GREB1L: variants seen among roughly 807,000 people sequenced by gnomAD.
GREB1L encodes the protein GREB1 like retinoic acid receptor coactivator.
Under a neutral mutation model 200.8 loss-of-function variants are expected in GREB1L, and 17 were observed. That is an observed-to-expected ratio of 0.08 (90% CI 0.06 to 0.13). The LOEUF is 0.13. Among genes scored for constraint, GREB1L ranks in the 10% least tolerant of loss-of-function variants. The pLI is 1.00. For synonymous variants in GREB1L, 789 were observed against 893.0 expected (o/e 0.88, Z 2.08); for missense variants, 1,657 against 2,367.7 (o/e 0.70, Z 6.23).
At chr18:21,370,018 C>T (rs2039816893) in intron 2 of GREB1L, among the ~76,000 whole-genome samples, 1 of 149,974 alleles carries the variant, frequency 6.7e-6, no homozygotes, top group Non-Finnish European at 1.5e-5. Context: ...ATGTACAAAA[C>T]TATTAAAGGA....
intron 1 of GREB1L, among the ~76,000 whole-genome samples, chr18:21,256,803 C>T (rs1174944981): frequency 1.3e-5 from 2 of 151,900 alleles, no homozygotes; most frequent in African/African-American, 2.4e-5. Context: ...GTCAGGAGAT[C>T]GAGACTAGCC....
chr18:21,370,936 C>T (rs776623219), intron 2 of GREB1L, among the ~76,000 whole-genome samples: 57 of 152,054 alleles, frequency 3.7e-4, no homozygotes, highest in Middle Eastern at 6.8e-3. Flanking sequence ...AGAAAATAGA[C>T]GGGCAGGTGG....
At chr18:21,290,192 C>T (rs1021816020) in intron 1 of GREB1L, among the ~76,000 whole-genome samples, 11 of 152,216 alleles carry the variant, frequency 7.2e-5, no homozygotes, top group African/African-American at 1.9e-4. Context: ...AACTACCGAA[C>T]GGATCATTTT....
rs531754225 is a variant in GREB1L at position 21,411,937 on chromosome 18, C to T, written c.832+7943C>T. 7.3e-5 allele frequency among the ~76,000 whole-genome samples: 11 copies of T among 151,234 alleles called. No homozygotes were observed. The East Asian group carries it at 2.2e-3, about 30-fold the overall frequency. On this transcript the variant is annotated intron_variant, in intron 7 of 32. Coordinates refer to ENST00000424526, the MANE Select transcript of GREB1L (RefSeq NM_001142966.3). ...GTGGGCGCCTATAGTCCCAGCTACT[C>T]GGGAGGCTGAGGCAGGAGAATGGCG... is the stretch of plus-strand genomic sequence containing the variant.
intron 1 of GREB1L, among the ~76,000 whole-genome samples, chr18:21,346,617 A>G (rs983052646): frequency 4.6e-5 from 7 of 151,992 alleles, no homozygotes; most frequent in Non-Finnish European, 7.3e-5. Context: ...TGTTCTTTCC[A>G]CAGCCCTTTC....
At chr18:21,425,671 G>T (rs2144953946) in intron 7 of GREB1L, among the ~76,000 whole-genome samples, 1 of 152,150 alleles carries the variant, frequency 6.6e-6, no homozygotes, top group Middle Eastern at 3.4e-3. Context: ...TGTGCTTATT[G>T]GCCATTTGTA....
intron 32 of GREB1L, 35 bp downstream of exon 32, chr18:21,520,858 A>C (rs964049977): frequency 6.6e-7 from 1 of 1,504,004 alleles, no homozygotes; most frequent in East Asian, 2.5e-5. Context: ...TGTAATTGCT[A>C]TTGGTTCCCA....
chr18:21,518,110 C>T lies in GREB1L; in HGVS notation c.5348C>T (p.Ala1783Val). 6.4e-7 allele frequency: 1 copy of T among 1,551,560 alleles called. No individual in the cohort carries two copies. The highest frequency in any genetic ancestry group is 8.7e-7 in the Non-Finnish European group (1 of 1,146,888). The change falls in exon 31 of 33, where the codon GCC becomes GTC. Residue 1783 changes from alanine (A) to valine (V), a missense_variant. By Grantham distance (64) the Ala-to-Val change is moderately conservative. Around this residue, in one of 9 missense-constraint regions of GREB1L, gnomAD observed 190 missense variants for 230.2 expected, o/e 0.83. Coordinates refer to ENST00000424526, the MANE Select transcript of GREB1L (RefSeq NM_001142966.3). ...APDSEHTLLA[A>V]PAQFLLEKFL... is the part of the protein sequence containing the mutation. ...GACAGTGAACACACACTACTGGCAG[C>T]CCCTGCACAGTTTCTCCTGGAGAAA... is the stretch of plus-strand genomic sequence containing the variant.
intron 7 of GREB1L, among the ~76,000 whole-genome samples, chr18:21,421,861 A>G (rs2032182680): frequency 6.6e-6 from 1 of 152,344 alleles, no homozygotes; most frequent in East Asian, 1.9e-4. Context: ...TTTTGGGCTA[A>G]CAGAAAGTAA....
At chr18:21,272,001 A>G (rs976746816) in intron 1 of GREB1L, among the ~76,000 whole-genome samples, 6 of 152,220 alleles carry the variant, frequency 3.9e-5, no homozygotes, top group African/African-American at 1.4e-4. Context: ...AAGTGGGGGT[A>G]GATACTAAAA....
At chr18:21,448,832 C>G (rs1228019102) in intron 11 of GREB1L, among the ~76,000 whole-genome samples, 2 of 152,118 alleles carry the variant, frequency 1.3e-5, no homozygotes, top group Non-Finnish European at 2.9e-5. Flanking sequence ...CCCCCTGATT[C>G]CAGGGGCCAC....
rs965748618 is a variant in GREB1L at position 21,436,785 on chromosome 18, A to C, written c.833-2736A>C. On this transcript the variant is annotated intron_variant, in intron 7 of 32. Transcript: ENST00000424526. ...GAGTACACTGGTGCGATCTCAGCTC[A>C]CTGCAGCCTCAACCTCCCAGGCTTA... 6.3e-4 allele frequency among the ~76,000 whole-genome samples: 94 copies of C among 150,106 alleles called. 1 individual carries two copies. Among genetic ancestry groups the C allele is most frequent in the Non-Finnish European group, 2.4e-4 (16 of 67,772 alleles).
Position 21,508,006 on chromosome 18 carries a change from T to C in GREB1L, c.4369-112T>C, listed in dbSNP as rs2037085243. The C allele has an allele frequency of 1.1e-5, 11 of 1,014,658 alleles. No individual in the cohort carries two copies. The South Asian group carries it at 1.7e-4, about 16-fold the overall frequency. 62.9% of individuals were successfully genotyped at this position (1,014,658 alleles called of 1,614,324 possible). On this transcript the variant is annotated intron_variant, in intron 25 of 32. Coordinates refer to ENST00000424526, the MANE Select transcript of GREB1L (RefSeq NM_001142966.3). ...TGCTCACAGCCTGCTCTGGTGGCAC[T>C]TACCAGTTCATGTTAGTTTCCATCT... is the stretch of plus-strand genomic sequence containing the variant.
chr18:21,498,481 G>A (rs1323923094), intron 21 of GREB1L, among the ~76,000 whole-genome samples: 2 of 152,162 alleles, frequency 1.3e-5, no homozygotes, highest in Non-Finnish European at 2.9e-5. Flanking sequence ...CAGAAGGGGG[G>A]TGGGGGATAA....
intron 1 of GREB1L, among the ~76,000 whole-genome samples, chr18:21,278,623 A>T (rs1200922348): frequency 6.6e-6 from 1 of 152,064 alleles, no homozygotes. Flanking sequence ...TGAAGTCAGA[A>T]TACTAATCCT....
chr18:21,307,755 G>A (rs187354034), intron 1 of GREB1L, among the ~76,000 whole-genome samples: 2 of 152,016 alleles, frequency 1.3e-5, no homozygotes, highest in Non-Finnish European at 2.9e-5. Flanking sequence ...ACTCGGGGGC[G>A]GGGGGGAGGA....
intron 1 of GREB1L, among the ~76,000 whole-genome samples, chr18:21,243,655 C>T (rs763054827): frequency 3.3e-5 from 5 of 152,182 alleles, no homozygotes; most frequent in Non-Finnish European, 4.4e-5. Flanking sequence ...AATCCTGGAA[C>T]TCTGCTTTGA....
At chr18:21,427,807 C>G (rs2032730455) in intron 7 of GREB1L, among the ~76,000 whole-genome samples, 1 of 152,174 alleles carries the variant, frequency 6.6e-6, no homozygotes, top group Non-Finnish European at 1.5e-5. Flanking sequence ...ATGTGTTTAA[C>G]TTCTTCCTTC....
At chr18:21,336,654 T>A (rs2039189861) in intron 1 of GREB1L, among the ~76,000 whole-genome samples, 1 of 152,218 alleles carries the variant, frequency 6.6e-6, no homozygotes, top group Admixed American at 6.5e-5. Context: ...TTCTTTTGCA[T>A]GTGCTCTACT....
Sources: gnomAD v4.1 joint callset for allele counts (sites outside exome capture counted in the v4.1 genomes callset) on GRCh38, gnomAD v4.1.1 for gene constraint, gnomAD v4.1.1 regional missense constraint, MANE v1.5 for transcripts, NCBI Gene and HGNC (gene_info 2026-07-23, HGNC 2026-07-21) for gene names.